DNAH5: variants seen among roughly 807,000 people sequenced by gnomAD.
DNAH5 encodes axonemal beta dynein heavy chain 5.
Under a neutral mutation model 518.2 loss-of-function variants are expected in DNAH5, and 372 were observed. The ratio of observed to expected loss-of-function variants is 0.72; its 90% confidence interval spans 0.66 to 0.78. The LOEUF is 0.78. DNAH5 is among the 30% of genes least tolerant of loss of function. The pLI is 0.00. For missense variants in DNAH5, 5,523 were observed against 5,687.0 expected, an observed-to-expected ratio of 0.97 and a Z score of 0.93; for synonymous variants, 2,039 against 2,025.9, an observed-to-expected ratio of 1.01 and a Z score of -0.17.
At chr5:13,995,728 G>C (rs1306629991) in intron 1 of DNAH5, among the ~76,000 whole-genome samples, 1 of 152,088 alleles carries the variant, frequency 6.6e-6, no homozygotes, top group Non-Finnish European at 1.5e-5. Context: ...AGATGATATA[G>C]ATATATAGGT....
At chr5:13,945,337 A>G (rs1193927848), upstream of DNAH5, among the ~76,000 whole-genome samples, 1 of 152,184 alleles carries the variant, frequency 6.6e-6, no homozygotes, top group Admixed American at 6.5e-5. Context: ...TTCACAGTCC[A>G]GCAACTCAAA....
chr5:13,735,398 GA>G, intron 67 of DNAH5, 77 bp from the exon 68 acceptor site: 1 of 1,382,246 alleles, frequency 7.2e-7, no homozygotes, highest in Non-Finnish European at 1.0e-6. Context: ...GTCTTTAATG[GA>G]AAATAAGTAA....
At chr5:13,713,304 TATATATATACCGAC>T (rs1208789737) in intron 75 of DNAH5, among the ~76,000 whole-genome samples, 3 of 145,560 alleles carry the variant, frequency 2.1e-5, no homozygotes, top group East Asian at 2.0e-4. Context: ...TATACCGACA[TATATATATACCGAC>T]ATATATATAC....
intron 27 of DNAH5, 85 bp downstream of exon 27, chr5:13,865,583 G>A (rs551326313): frequency 2.4e-6 from 2 of 838,030 alleles, no homozygotes; most frequent in Admixed American, 1.7e-5. Flanking sequence ...GAAATAGCTG[G>A]GGTGAAAAGA....
chr5:13,963,858 T>C (rs1781353733), intron 1 of DNAH5, among the ~76,000 whole-genome samples: 1 of 152,064 alleles, frequency 6.6e-6, no homozygotes, highest in Non-Finnish European at 1.5e-5. Flanking sequence ...CCAGCTAATT[T>C]TTATGTTTTT....
Position 13,750,414 on chromosome 5 carries a change from T to C in DNAH5, c.11211+664A>G, listed in dbSNP as rs1278293871. Among the ~76,000 whole-genome samples the C allele has an allele frequency of 3.9e-5, 6 of 152,342 alleles. No homozygotes were observed. The East Asian group carries it at 5.8e-4, about 15-fold the overall frequency. On this transcript the variant is annotated intron_variant, in intron 65 of 78. Coordinates refer to ENST00000265104, the MANE Select transcript of DNAH5 (RefSeq NM_001369.3). ...CACTCGAAAGAAGGAAGTTTACAAA[T>C]GTGTGCCCATTTTTCATTGAGCATT...
Position 13,917,132 on chromosome 5 carries a change from C to T in DNAH5, c.1089+11G>A, listed in dbSNP as rs77543497. On this transcript the variant is annotated intron_variant, in intron 8 of 78. Transcript: ENST00000265104. ...ATCTATAGACTGAAAGAGTAGAAAT[C>T]CTTAACTCACGGGATCACTGCTGTA... 6.3e-7 allele frequency: 1 copy of T among 1,597,794 alleles called. No homozygotes were observed. The highest frequency in any genetic ancestry group is 8.6e-7 in the Non-Finnish European group (1 of 1,165,402).
intron 1 of DNAH5, among the ~76,000 whole-genome samples, chr5:13,972,310 T>C (rs1353901264): frequency 3.9e-5 from 6 of 152,180 alleles, no homozygotes; most frequent in Non-Finnish European, 8.8e-5. Context: ...GTTTCTATGC[T>C]CATAGCTACA....
intron 25 of DNAH5, among the ~76,000 whole-genome samples, chr5:13,866,797 G>C (rs996262499): frequency 6.6e-6 from 1 of 152,098 alleles, no homozygotes; most frequent in Non-Finnish European, 1.5e-5. Flanking sequence ...GTGGTTTATT[G>C]TGCTACTAGT....
At chr5:13,857,102 T>C (rs1396091021) in intron 30 of DNAH5, among the ~76,000 whole-genome samples, 1 of 152,178 alleles carries the variant, frequency 6.6e-6, no homozygotes, top group Non-Finnish European at 1.5e-5. Flanking sequence ...TGATTGTATA[T>C]CTAGAAAACC....
At chr5:13,740,865 AC>A (rs1707283329) in intron 65 of DNAH5, among the ~76,000 whole-genome samples, 1 of 152,086 alleles carries the variant, frequency 6.6e-6, no homozygotes, top group Admixed American at 6.6e-5. Flanking sequence ...CAGTGTCTGT[AC>A]CTTTTATGGC....
intron 55 of DNAH5, among the ~76,000 whole-genome samples, chr5:13,774,448 T>G (rs1197214987): frequency 6.6e-6 from 1 of 152,068 alleles, no homozygotes; most frequent in East Asian, 1.9e-4. Flanking sequence ...GTACACAGAT[T>G]TCAAGCCAGG....
At chr5:14,011,412 A>C (rs1256792699) in intron 1 of DNAH5, among the ~76,000 whole-genome samples, 3 of 152,116 alleles carry the variant, frequency 2.0e-5, no homozygotes, top group Non-Finnish European at 4.4e-5. Context: ...GTGATTGACA[A>C]CTACCCCCTG....
At chr5:13,990,481 A>G (rs1176415796) in intron 1 of DNAH5, among the ~76,000 whole-genome samples, 2 of 152,102 alleles carry the variant, frequency 1.3e-5, no homozygotes, top group Non-Finnish European at 2.9e-5. Flanking sequence ...TGAACCCGGG[A>G]GGCAGAGCTT....
intron 1 of DNAH5, among the ~76,000 whole-genome samples, chr5:13,987,865 T>G (rs570714701): frequency 6.6e-6 from 1 of 150,796 alleles, no homozygotes; most frequent in Non-Finnish European, 1.5e-5. Flanking sequence ...AATTTAATCT[T>G]GTTTAATCTT....
chr5:13,760,498 A>G (rs937630228), intron 60 of DNAH5, among the ~76,000 whole-genome samples: 10 of 152,224 alleles, frequency 6.6e-5, no homozygotes, highest in African/African-American at 2.4e-4. Context: ...TCTATGTTCA[A>G]TATTTAAGTT....
chr5:13,851,937 G>T (rs1303255554), intron 30 of DNAH5, among the ~76,000 whole-genome samples: 1 of 151,910 alleles, frequency 6.6e-6, no homozygotes, highest in South Asian at 2.1e-4. Flanking sequence ...AGTAGAAGCG[G>T]GGTGGGGCGT....
chr5:13,875,060 T>G (rs1368373535), intron 22 of DNAH5, among the ~76,000 whole-genome samples: 1 of 152,242 alleles, frequency 6.6e-6, no homozygotes, highest in Non-Finnish European at 1.5e-5. Flanking sequence ...TTGGCTATCC[T>G]ATAAATCTGG....
In DNAH5 at chr5:13,800,813, C is replaced by T. The variant is rs1329010571; in HGVS notation, c.7888-6755G>A. ...TCTTTGATTGGTGTTCCCACCTCAT[C>T]CACTGTTTTGCTGTTATGAACTGCG... On this transcript the variant is annotated intron_variant, in intron 47 of 78. Coordinates refer to ENST00000265104, the MANE Select transcript of DNAH5 (RefSeq NM_001369.3). Among the ~76,000 whole-genome samples, 3 of 152,148 alleles carry T rather than the reference C, an allele frequency of 2.0e-5. No homozygotes were observed. The East Asian group carries it at 5.8e-4, about 29-fold the overall frequency.
Sources: allele counts gnomAD v4.1 joint callset (sites outside exome capture counted in the v4.1 genomes callset), GRCh38; gene constraint gnomAD v4.1.1; transcripts MANE v1.5; gene names NCBI Gene and HGNC (gene_info 2026-07-23, HGNC 2026-07-21).